Variants in MOXD1 observed in about 807,000 individuals in gnomAD.
MOXD1 encodes the protein DBH-like monooxygenase protein 1.
Under a neutral mutation model 66.6 loss-of-function variants are expected in MOXD1, and 62 were observed. The observed-to-expected ratio is 0.93, with a 90% confidence interval of 0.76 to 1.15. MOXD1 has a LOEUF of 1.15. MOXD1 is among the 50% of genes most tolerant of loss of function. MOXD1 has a pLI of 0.00. For missense variants in MOXD1, 847 were observed against 754.6 expected (o/e 1.12, Z -1.44); for synonymous variants, 303 against 281.9 (o/e 1.07, Z -0.75).
At chr6:132,335,081 G>T (rs1775409586) in intron 4 of MOXD1, among the ~76,000 whole-genome samples, 1 of 152,040 alleles carries the variant, frequency 6.6e-6, no homozygotes, top group Non-Finnish European at 1.5e-5. Context: ...TCCCTTCAGT[G>T]ACTGAAAGAA....
At chr6:132,310,957 C>A (rs1037827313) in intron 10 of MOXD1, among the ~76,000 whole-genome samples, 2 of 151,796 alleles carry the variant, frequency 1.3e-5, no homozygotes, top group Non-Finnish European at 1.5e-5. Flanking sequence ...ACATGTATCC[C>A]GTTTTTTGTT....
intron 4 of MOXD1, among the ~76,000 whole-genome samples, chr6:132,367,759 G>A (rs2114654124): frequency 6.6e-6 from 1 of 152,184 alleles, no homozygotes; most frequent in Admixed American, 6.5e-5. Flanking sequence ...AATTCCATTA[G>A]GAGGCACCAT....
intron 1 of MOXD1, chr6:132,392,187 G>A (rs1179936076): frequency 6.3e-7 from 1 of 1,576,410 alleles, no homozygotes; most frequent in Non-Finnish European, 8.6e-7. Context: ...ACTGTTTTCT[G>A]TGATTTCAAA....
intron 1 of MOXD1, among the ~76,000 whole-genome samples, chr6:132,378,524 A>T (rs1050145699): frequency 2.0e-5 from 3 of 152,322 alleles, no homozygotes; most frequent in Admixed American, 6.5e-5. Flanking sequence ...GAAAAAGATT[A>T]AAAAAAGCAA....
intron 4 of MOXD1, among the ~76,000 whole-genome samples, chr6:132,340,925 C>T (rs571094832): frequency 2.0e-5 from 3 of 152,224 alleles, no homozygotes; most frequent in African/African-American, 7.2e-5. Flanking sequence ...GGATTACAGG[C>T]GTGAGCCACT....
chr6:132,368,579 T>C (rs562506782), intron 4 of MOXD1, among the ~76,000 whole-genome samples: 17 of 152,230 alleles, frequency 1.1e-4, no homozygotes, highest in Admixed American at 1.1e-3. Flanking sequence ...TTTCTAGAGA[T>C]AAAATCATTT....
At chr6:132,303,823 GTGTGTGTGTGTGTATATATATATATA>G (rs1774614156) in intron 10 of MOXD1, among the ~76,000 whole-genome samples, 5 of 97,692 alleles carry the variant, frequency 5.1e-5, no homozygotes, top group Non-Finnish European at 9.9e-5. Flanking sequence ...GTGTGTGTGT[GTGTGTGTGTGTGTATATATATATATA>G]TATATATATA....
At chr6:132,318,459 A>G (rs537689753) in intron 9 of MOXD1, among the ~76,000 whole-genome samples, 10 of 152,136 alleles carry the variant, frequency 6.6e-5, no homozygotes, top group South Asian at 6.2e-4. Flanking sequence ...TATTTATAGT[A>G]TCTATTATAT....
chr6:132,373,077 G>A (rs1295382871), intron 2 of MOXD1, 80 bp from the exon 3 acceptor site: 11 of 1,328,500 alleles, frequency 8.3e-6, no homozygotes, highest in Admixed American at 4.6e-5. Flanking sequence ...GAACTCTATT[G>A]TAAACAAGAT....
intron 10 of MOXD1, among the ~76,000 whole-genome samples, chr6:132,315,350 T>A (rs370517368): frequency 6.6e-6 from 1 of 152,228 alleles, no homozygotes; most frequent in Non-Finnish European, 1.5e-5. Flanking sequence ...CTTTTCCTTT[T>A]GTTCTTTCTG....
intron 4 of MOXD1, among the ~76,000 whole-genome samples, chr6:132,337,538 C>A (rs909480503): frequency 6.6e-6 from 1 of 152,166 alleles, no homozygotes; most frequent in African/African-American, 2.4e-5. Context: ...TTATTGATTT[C>A]TGAATTTCCA....
At chr6:132,347,676 C>CAAA (rs11429443) in intron 4 of MOXD1, among the ~76,000 whole-genome samples, 29 of 148,782 alleles carry the variant, frequency 1.9e-4, no homozygotes, top group South Asian at 1.3e-3. Context: ...GATCCTGTCT[C>CAAA]AAAAAAAAAA....
intron 4 of MOXD1, among the ~76,000 whole-genome samples, chr6:132,349,874 T>C (rs1480566910): frequency 1.3e-5 from 2 of 152,190 alleles, no homozygotes; most frequent in Non-Finnish European, 2.9e-5. Context: ...TGATCATTAG[T>C]GATGTTGAGC....
chr6:132,401,349 C>T lies in MOXD1; in HGVS notation c.78G>A (p.Pro26=). 6.4e-7 allele frequency: 1 copy of T among 1,569,286 alleles called. No homozygotes were observed. ...CCTCCGAGTCCAGGAGGGTCCGGTGCGGATAGGTTCGGCCCGAGCCCCCCG... is the reference window on the plus strand; with the variant it reads ...CCTCCGAGTCCAGGAGGGTCCGGTGTGGATAGGTTCGGCCCGAGCCCCCCG... ...TAAGGSGRTY[P]HRTLLDSEGK... is the part of the protein sequence containing the mutation. Residue 26 remains proline (P), a synonymous_variant, in exon 1 of 12, where the codon CCG becomes CCA. Coordinates refer to ENST00000367963, the MANE Select transcript of MOXD1 (RefSeq NM_015529.4).
rs150803298 is a variant in MOXD1, at chr6:132,323,458, A to C, written c.1113+473T>G. 3.2e-3 allele frequency among the ~76,000 whole-genome samples: 481 copies of C among 152,310 alleles called. 3 individuals carry two copies. The highest frequency in any genetic ancestry group is 0.027 in the Middle Eastern group (8 of 294). On this transcript the variant is annotated intron_variant, in intron 7 of 11. Transcript: ENST00000367963. ...GAAATATTTTCATTAAAAAACTTGA[A>C]GTGAAAATTGTCATTACTAAATATA...
intron 1 of MOXD1, chr6:132,392,145 A>C (rs943435083): frequency 1.3e-6 from 2 of 1,509,974 alleles, no homozygotes; most frequent in Non-Finnish European, 1.8e-6. Context: ...GTGTGCTTAA[A>C]AGAAGCACAT....
At chr6:132,312,176 G>A (rs551054732) in intron 10 of MOXD1, among the ~76,000 whole-genome samples, 87 of 151,548 alleles carry the variant, frequency 5.7e-4, no homozygotes, top group African/African-American at 1.0e-3. Context: ...TAGCACCCCC[G>A]AGAACAGACA....
chr6:132,372,721 A>T (rs1263435923), intron 3 of MOXD1, 30 bp from the exon 4 acceptor site: 2 of 1,609,250 alleles, frequency 1.2e-6, no homozygotes, highest in South Asian at 2.2e-5. Context: ...AGGAAGACAC[A>T]AAGTCACCTT....
intron 4 of MOXD1, among the ~76,000 whole-genome samples, chr6:132,358,153 C>T (rs187101993): frequency 1.5e-3 from 228 of 152,200 alleles, no homozygotes; most frequent in African/African-American, 2.6e-3. Flanking sequence ...TGGTAGAGCC[C>T]GGATTTGAAA....
Sources: gnomAD v4.1 joint callset for allele counts (sites outside exome capture counted in the v4.1 genomes callset) on GRCh38, gnomAD v4.1.1 for gene constraint, MANE v1.5 for transcripts, NCBI Gene and HGNC (gene_info 2026-07-23, HGNC 2026-07-21) for gene names.